HNMT: variants seen among roughly 807,000 people sequenced by gnomAD.
HNMT encodes histamine N-methyltransferase.
In HNMT, 30 loss-of-function variants were observed where a neutral mutation model predicts 32.1. The ratio of observed to expected loss-of-function variants is 0.93; its 90% CI spans 0.70 to 1.27. The LOEUF (loss-of-function observed/expected upper bound fraction) is 1.27. Ranked by LOEUF, HNMT falls within the 50% of genes most tolerant of loss-of-function variation. The pLI is 0.00. For synonymous variants in HNMT, 125 were observed against 119.0 expected, an observed-to-expected ratio of 1.05 and a Z score of -0.33; for missense variants, 327 against 346.0, an observed-to-expected ratio of 0.95 and a Z score of 0.43.
At chr2:138,011,254 A>C (rs1681494968) in intron 5 of HNMT, among the ~76,000 whole-genome samples, 1 of 152,076 alleles carries the variant, frequency 6.6e-6, no homozygotes, top group African/African-American at 2.4e-5. Context: ...CAACCACTGA[A>C]ATGCTGATTT....
intron 2 of HNMT, among the ~76,000 whole-genome samples, chr2:137,973,744 C>T (rs889054447): frequency 6.6e-6 from 1 of 151,268 alleles, no homozygotes; most frequent in African/African-American, 2.4e-5. Context: ...GATGAAACTG[C>T]TACTTTTATA....
At chr2:138,001,077 C>T (rs1681157381) in intron 3 of HNMT, 52 bp downstream of exon 3, 2 of 896,292 alleles carry the variant, frequency 2.2e-6, no homozygotes, top group Non-Finnish European at 3.5e-6. Context: ...AAAGACTTAA[C>T]TCAAATTGTT....
Position 138,014,254 on chromosome 2 carries a change from G to A in HNMT, c.*124G>A. Reference sequence around the variant, plus strand: ...ATAAAGCACTGTTTGGATATGAGATGTAGCAAATTCCAATACATTATTGGA... The same window carrying A: ...ATAAAGCACTGTTTGGATATGAGATATAGCAAATTCCAATACATTATTGGA... On this transcript the variant is annotated 3_prime_UTR_variant, in exon 6 of 6. Transcript: ENST00000280097. The A allele has an allele frequency of 3.0e-6, 2 of 659,558 alleles. No homozygotes were observed. Among genetic ancestry groups the A allele is most frequent in the Middle Eastern group, 4.1e-4 (1 of 2,416 alleles). 40.9% of individuals were successfully genotyped at this position (659,558 alleles called of 1,614,324 possible).
At chr2:137,997,816 T>C (rs1681041199) in intron 2 of HNMT, among the ~76,000 whole-genome samples, 1 of 152,140 alleles carries the variant, frequency 6.6e-6, no homozygotes, top group African/African-American at 2.4e-5. Flanking sequence ...AATGTGCATA[T>C]ACACCATGTT....
At chr2:137,980,750 A>AC (rs1467082527) in intron 2 of HNMT, among the ~76,000 whole-genome samples, 1 of 151,760 alleles carries the variant, frequency 6.6e-6, no homozygotes, top group Non-Finnish European at 1.5e-5. Flanking sequence ...TATATTTATA[A>AC]CCCCCTTCTT....
chr2:137,980,632 C>T (rs1029760846), intron 2 of HNMT, among the ~76,000 whole-genome samples: 28 of 152,112 alleles, frequency 1.8e-4, no homozygotes, highest in Admixed American at 1.3e-4. Flanking sequence ...GGTTGCATGA[C>T]TTTTCTTAGA....
At chr2:137,974,635 T>G (rs1399708570) in intron 2 of HNMT, among the ~76,000 whole-genome samples, 2 of 152,198 alleles carry the variant, frequency 1.3e-5, no homozygotes, top group Non-Finnish European at 2.9e-5. Context: ...TGTTTGGTTC[T>G]TATGTTCAAA....
Position 137,993,324 on chromosome 2 carries a change from T to C in HNMT, c.191-7594T>C, listed in dbSNP as rs1287916489. ...AACCTTGATAAAAGGTTAGAGGAAT[T>C]GCTAACTAGAATAACCAGTTTAGAG... On this transcript the variant is annotated intron_variant, in intron 2 of 5. Transcript: ENST00000280097. Among the ~76,000 whole-genome samples the C allele has an allele frequency of 3.3e-5, 5 of 152,102 alleles. No individual in the cohort carries two copies. The East Asian group carries it at 9.7e-4, about 29-fold the overall frequency.
rs190960520 is a variant in HNMT at position 137,965,050 on chromosome 2, C to G, written c.137+422C>G. ...AATAATTGCCAAAGTACGATTTGCCCTGAGGATTGAGTGCCTCAGTTCTCA... is the reference window on the plus strand; with the variant it reads ...AATAATTGCCAAAGTACGATTTGCCGTGAGGATTGAGTGCCTCAGTTCTCA... On this transcript the variant is annotated intron_variant, in intron 1 of 5. Coordinates refer to ENST00000280097, the MANE Select transcript of HNMT (RefSeq NM_006895.3). Among the ~76,000 whole-genome samples, 227 of 152,264 alleles carry G rather than the reference C, an allele frequency of 1.5e-3. 1 individual carries two copies. Among genetic ancestry groups the G allele is most frequent in the African/African-American group, 5.1e-3 (212 of 41,532 alleles).
At chr2:137,964,750 G>C in intron 1 of HNMT, 122 bp downstream of exon 1, 1 of 927,694 alleles carries the variant, frequency 1.1e-6, no homozygotes, top group South Asian at 1.6e-5. Context: ...ACTGATAGCA[G>C]CTCCCCGTCG....
At chr2:138,012,349 C>T (rs1681531471) in intron 5 of HNMT, among the ~76,000 whole-genome samples, 1 of 152,078 alleles carries the variant, frequency 6.6e-6, no homozygotes, top group Non-Finnish European at 1.5e-5. Context: ...CTGTCTCCCT[C>T]AGATAAGGTA....
intron 4 of HNMT, 46 bp downstream of exon 4, chr2:138,002,240 A>G: frequency 7.8e-7 from 1 of 1,282,234 alleles, no homozygotes; most frequent in Non-Finnish European, 1.0e-6. Context: ...AAGACTTTTC[A>G]GAATATATAT....
chr2:137,977,767 G>A (rs1484019226), intron 2 of HNMT, among the ~76,000 whole-genome samples: 3 of 151,806 alleles, frequency 2.0e-5, no homozygotes, highest in African/African-American at 4.8e-5. Flanking sequence ...GCATTATATA[G>A]CAAGAACAGT....
intron 2 of HNMT, among the ~76,000 whole-genome samples, chr2:137,973,782 G>A (rs993259712): frequency 1.3e-5 from 2 of 151,880 alleles, no homozygotes; most frequent in African/African-American, 2.4e-5. Context: ...TTTTTTTTGG[G>A]GGGGGGTGGT....
chr2:138,002,140 T>A lies in HNMT; in HGVS notation c.375T>A (p.Ser125Arg). 6.2e-7 allele frequency: 1 copy of A among 1,601,258 alleles called. No homozygotes were observed. Among genetic ancestry groups the A allele is most frequent in the East Asian group, 2.2e-5 (1 of 44,514 alleles). Reference protein sequence around the residue: ...WHKETSSEYQSRMLEKKELQK... With the variant: ...WHKETSSEYQRRMLEKKELQK... The stretch of plus-strand genomic sequence containing the variant: ...AGGAGACATCATCTGAATACCAAAG[T>A]AGAATGTTGGAGAAAAAGGAGCTTC... Residue 125 changes from serine (S) to arginine (R), a missense_variant, in exon 4 of 6, where the codon AGT becomes AGA. Physicochemically the swap from Ser to Arg is moderately radical, Grantham distance 110 (BLOSUM62 -1). Transcript: ENST00000280097.
intron 2 of HNMT, among the ~76,000 whole-genome samples, chr2:137,986,384 T>A (rs1336110254): frequency 1.3e-5 from 2 of 152,094 alleles, no homozygotes; most frequent in Non-Finnish European, 2.9e-5. Context: ...TGGTGTAAGT[T>A]CTAGTCTCAA....
chr2:137,987,218 T>C (rs977836888), intron 2 of HNMT, among the ~76,000 whole-genome samples: 2 of 152,158 alleles, frequency 1.3e-5, no homozygotes, highest in African/African-American at 4.8e-5. Flanking sequence ...ATAAGTAGCC[T>C]TCAATCATCA....
intron 2 of HNMT, among the ~76,000 whole-genome samples, chr2:137,975,982 G>T (rs1680274500): frequency 6.6e-6 from 1 of 152,140 alleles, no homozygotes; most frequent in Non-Finnish European, 1.5e-5. Context: ...GTAAGAGCCT[G>T]TTGGCTGGGC....
At chr2:137,997,926 C>A (rs540389454) in intron 2 of HNMT, among the ~76,000 whole-genome samples, 1 of 152,168 alleles carries the variant, frequency 6.6e-6, no homozygotes, top group South Asian at 2.1e-4. Flanking sequence ...GAACAGAGAA[C>A]CAAATACCGC....
Sources: gnomAD v4.1 joint callset for allele counts (sites outside exome capture counted in the v4.1 genomes callset) on GRCh38, gnomAD v4.1.1 for gene constraint, MANE v1.5 for transcripts, NCBI Gene and HGNC (gene_info 2026-07-23, HGNC 2026-07-21) for gene names.